The following PDE12 variants were observed in gnomAD, a reference collection of about 807,000 sequenced individuals.
The protein encoded by PDE12 is 2',5'-phosphodiesterase 12.
In PDE12, 26 loss-of-function variants were observed where a neutral mutation model predicts 45.4. The observed-to-expected ratio is 0.57, with a 90% CI of 0.42 to 0.79. The LOEUF (loss-of-function observed/expected upper bound fraction) is 0.79. Ranked by LOEUF, PDE12 falls within the 30% of genes least tolerant of loss-of-function variation. The pLI is 0.00. For synonymous variants in PDE12, 283 were observed against 323.9 expected (o/e 0.87, Z 1.36); for missense variants, 668 against 790.0 (o/e 0.85, Z 1.85).
chr3:57,559,819 T>A lies in PDE12; in HGVS notation c.1645T>A (p.Tyr549Asn), dbSNP rs761151615. 2 of 1,614,210 alleles carry A rather than the reference T, an allele frequency of 1.2e-6. No homozygotes were observed. The highest frequency in any genetic ancestry group is 2.2e-5 in the South Asian group (2 of 91,086). The change falls in exon 3 of 3, where the codon TAC becomes AAC. Residue 549 changes from tyrosine (Y) to asparagine (N), a missense_variant. By Grantham distance (143) the Tyr-to-Asn change is moderately radical. Coordinates refer to ENST00000311180, the MANE Select transcript of PDE12 (RefSeq NM_177966.7). ...GAAAAGTGCTTGTGGTGAACCTGCTTACACAAATTATGTTGGTGGCTTTCA... is the reference window on the plus strand; with the variant it reads ...GAAAAGTGCTTGTGGTGAACCTGCTAACACAAATTATGTTGGTGGCTTTCA... ...KLKSACGEPA[Y>N]TNYVGGFHGC... is the part of the protein sequence containing the mutation.
chr3:57,622,742 C>T, the PDE12 span, among the ~76,000 whole-genome samples: 1 of 152,126 alleles, frequency 6.6e-6, no homozygotes, highest in Non-Finnish European at 1.5e-5. Flanking sequence ...CAAAATACTA[C>T]TTACCAATAA....
At position 57,564,349 on chromosome 3, in the gene PDE12, G is replaced by A. The variant is rs1287521854; in HGVS notation, c.*4345G>A. The A allele has an allele frequency of 6.6e-6, 1 of 152,122 alleles. No individual in the cohort carries two copies. The highest frequency in any genetic ancestry group is 2.4e-5 in the African/African-American group (1 of 41,416). 9.4% of individuals were successfully genotyped at this position (152,122 alleles called of 1,614,324 possible). On this transcript the variant is annotated 3_prime_UTR_variant, in exon 3 of 3. Transcript: ENST00000311180. ...ATCCATGTTCATACTGTCAGTGTTA[G>A]ATTTTTACTCATAATTTAAAATTTC... is the stretch of plus-strand genomic sequence containing the variant.
chr3:57,568,211 C>T (rs1301655033), downstream of PDE12, among the ~76,000 whole-genome samples: 1 of 151,842 alleles, frequency 6.6e-6, no homozygotes, highest in Non-Finnish European at 1.5e-5. Context: ...TACCTGTAAT[C>T]CCAGCACTTT....
At chr3:57,652,626 T>A in the PDE12 span, among the ~76,000 whole-genome samples, 1 of 152,270 alleles carries the variant, frequency 6.6e-6, no homozygotes, top group African/African-American at 2.4e-5. Context: ...CCCCCAAAAA[T>A]ACCTAATTAC....
the PDE12 span, chr3:57,631,247 A>C: frequency 2.9e-6 from 1 of 342,112 alleles, no homozygotes; most frequent in Non-Finnish European, 5.3e-6. Context: ...CGCAGGCTGG[A>C]GTGCAATGGC....
At chr3:57,598,516 T>C in the PDE12 span, among the ~76,000 whole-genome samples, 3 of 152,328 alleles carry the variant, frequency 2.0e-5, no homozygotes, top group Admixed American at 1.3e-4. Flanking sequence ...GCATAGTGGC[T>C]CATGCCTGTA....
the PDE12 span, among the ~76,000 whole-genome samples, chr3:57,607,063 T>C: frequency 1.3e-5 from 2 of 152,104 alleles, no homozygotes; most frequent in African/African-American, 4.8e-5. Context: ...AGAGGAACAA[T>C]CAGGCAGCAA....
chr3:57,650,980 C>T, the PDE12 span, among the ~76,000 whole-genome samples: 1 of 152,082 alleles, frequency 6.6e-6, no homozygotes, highest in Admixed American at 6.5e-5. Flanking sequence ...GATGGGGTTT[C>T]TCCATGCCAG....
At chr3:57,637,596 G>A in the PDE12 span, among the ~76,000 whole-genome samples, 8 of 151,858 alleles carry the variant, frequency 5.3e-5, no homozygotes, top group African/African-American at 1.7e-4. Flanking sequence ...CCTGAGCAGG[G>A]CTGTGTTGCA....
At chr3:57,618,627 T>TTGG in the PDE12 span, among the ~76,000 whole-genome samples, 157 of 136,910 alleles carry the variant, frequency 1.1e-3, 2 homozygotes, top group East Asian at 0.024. Context: ...TTTTTTTTTT[T>TTGG]GAGATGGAGT....
rs757698375 is a variant in PDE12, at chr3:57,559,317, T to C, written c.1316T>C (p.Val439Ala). 13 of 1,608,074 alleles carry C rather than the reference T, an allele frequency of 8.1e-6. No homozygotes were observed. Among genetic ancestry groups the C allele is most frequent in the Non-Finnish European group, 1.0e-5 (12 of 1,176,190 alleles). Residue 439 changes from valine (V) to alanine (A), a missense_variant, in exon 2 of 3, where the codon GTT becomes GCT. Physicochemically the swap from Val to Ala is moderately conservative, Grantham distance 64. This residue lies in a region of PDE12 where 580 missense variants were observed against 662.9 expected (regional missense o/e 0.87). Coordinates refer to ENST00000311180, the MANE Select transcript of PDE12 (RefSeq NM_177966.7). Reference sequence around the variant, plus strand: ...ACTTTCCGTTTATTTTAGGTTTCAGTTCTTCAGTCTACAAAGGACTCTTCT... The same window carrying C: ...ACTTTCCGTTTATTTTAGGTTTCAGCTCTTCAGTCTACAAAGGACTCTTCT... ...LQRSSVLQVS[V>A]LQSTKDSSKR...
chr3:57,593,526 C>A, the PDE12 span, among the ~76,000 whole-genome samples: 1 of 152,320 alleles, frequency 6.6e-6, no homozygotes, highest in Admixed American at 6.5e-5. Context: ...CAGAACTACA[C>A]TGGCATACTA....
chr3:57,605,495 G>T, the PDE12 span, among the ~76,000 whole-genome samples: 3 of 152,064 alleles, frequency 2.0e-5, no homozygotes, highest in African/African-American at 7.2e-5. Context: ...AAAAGGTCTT[G>T]CCTCACTGAT....
chr3:57,645,299 A>G, the PDE12 span, among the ~76,000 whole-genome samples: 1 of 152,046 alleles, frequency 6.6e-6, no homozygotes, highest in African/African-American at 2.4e-5. Context: ...TGTCTCTACT[A>G]AAAATACAAA....
At chr3:57,590,342 C>T in the PDE12 span, among the ~76,000 whole-genome samples, 16 of 151,388 alleles carry the variant, frequency 1.1e-4, no homozygotes, top group African/African-American at 2.7e-4. Flanking sequence ...AAAAATTAGC[C>T]GGGCGCAGTG....
At chr3:57,653,471 C>T in the PDE12 span, among the ~76,000 whole-genome samples, 2 of 151,970 alleles carry the variant, frequency 1.3e-5, no homozygotes, top group Admixed American at 6.6e-5. Context: ...GTAGGCCGGG[C>T]GCGGTGGCTC....
the PDE12 span, among the ~76,000 whole-genome samples, chr3:57,649,920 T>TAC: frequency 9.9e-5 from 11 of 111,640 alleles, no homozygotes; most frequent in African/African-American, 4.1e-4. Context: ...TCTGTATATA[T>TAC]ATACACACAC....
chr3:57,591,890 G>A, the PDE12 span, among the ~76,000 whole-genome samples: 2 of 152,106 alleles, frequency 1.3e-5, no homozygotes, highest in Non-Finnish European at 1.5e-5. Context: ...AACAGATTAC[G>A]GGCTGGGAAG....
At chr3:57,630,397 TAC>T in the PDE12 span, 1 of 1,554,560 alleles carries the variant, frequency 6.4e-7, no homozygotes, top group Non-Finnish European at 8.7e-7. Context: ...TGTTAATCAT[TAC>T]ACAAACACAC....
Sources: gnomAD v4.1 joint callset for allele counts (sites outside exome capture counted in the v4.1 genomes callset) on GRCh38, gnomAD v4.1.1 for gene constraint, gnomAD v4.1.1 regional missense constraint, MANE v1.5 for transcripts, NCBI Gene and HGNC (gene_info 2026-07-23, HGNC 2026-07-21) for gene names.